IGFL4: variants seen among roughly 807,000 people sequenced by gnomAD.
IGFL4 encodes the protein insulin growth factor-like family member 4.
In IGFL4, 12 loss-of-function variants were observed where a neutral mutation model predicts 15.4. That is an observed-to-expected ratio of 0.78 (90% confidence interval 0.50 to 1.26). The LOEUF (loss-of-function observed/expected upper bound fraction) is 1.26, where lower values mean the gene tolerates loss of function less well. Among genes scored for constraint, IGFL4 ranks in the 50% most tolerant of loss-of-function variants. The probability of loss-of-function intolerance (pLI) is 0.00; values close to 1 mark genes in which losing one functional copy is unlikely to be tolerated. For synonymous variants in IGFL4, 54 were observed against 55.9 expected, an observed-to-expected ratio of 0.97 and a Z score of 0.16; for missense variants, 126 against 147.8, an observed-to-expected ratio of 0.85 and a Z score of 0.76.
Position 46,050,603 on chromosome 19 carries a change from C to T in IGFL4, c.-322-9493G>A, listed in dbSNP as rs1409368226. On this transcript the variant is annotated intron_variant, in intron 2 of 5. Coordinates refer to the IGFL4 transcript ENST00000601672. The stretch of plus-strand genomic sequence containing the variant: ...TGAAGACAAGGCTTTCAAACTAACC[C>T]AATCCAACAGAGACAAAGAAAAAAG... 3.3e-5 allele frequency among the ~76,000 whole-genome samples: 5 copies of T among 152,112 alleles called. No individual in the cohort carries two copies. The East Asian group carries it at 9.6e-4, about 29-fold the overall frequency.
At chr19:46,068,870 T>C (rs1176878810) in intron 1 of IGFL4, among the ~76,000 whole-genome samples, 1 of 152,224 alleles carries the variant, frequency 6.6e-6, no homozygotes, top group East Asian at 1.9e-4. Context: ...ACATTCACTC[T>C]GAGCACTGGA....
chr19:46,051,192 C>T (rs1446244525), intron 2 of IGFL4, among the ~76,000 whole-genome samples: 1 of 152,178 alleles, frequency 6.6e-6, no homozygotes, highest in African/African-American at 2.4e-5. Context: ...GAAACAAATC[C>T]TCAAAATACA....
At chr19:46,050,568 C>T (rs992207799) in intron 2 of IGFL4, among the ~76,000 whole-genome samples, 1 of 152,074 alleles carries the variant, frequency 6.6e-6, no homozygotes, top group Non-Finnish European at 1.5e-5. Flanking sequence ...GAAGAAAGAA[C>T]CTCAGAGCTT....
chr19:46,056,941 C>G (rs1457104136), intron 2 of IGFL4, among the ~76,000 whole-genome samples: 5 of 152,318 alleles, frequency 3.3e-5, no homozygotes, highest in Non-Finnish European at 7.4e-5. Flanking sequence ...CACTTTTGAT[C>G]ATGTGCACCC....
At chr19:46,055,669 T>C (rs1969386176) in intron 2 of IGFL4, among the ~76,000 whole-genome samples, 1 of 152,238 alleles carries the variant, frequency 6.6e-6, no homozygotes, top group South Asian at 2.1e-4. Flanking sequence ...TAGAGATACT[T>C]GGAAAGATCA....
chr19:46,043,457 A>G (rs1969266129), upstream of IGFL4, among the ~76,000 whole-genome samples: 1 of 152,226 alleles, frequency 6.6e-6, no homozygotes, highest in African/African-American at 2.4e-5. Context: ...TCTAGAATTT[A>G]TCTGGAAAGG....
intron 1 of IGFL4, among the ~76,000 whole-genome samples, chr19:46,070,728 C>G (rs752987104): frequency 4.6e-5 from 7 of 152,096 alleles, no homozygotes. Context: ...AAATAAAGCT[C>G]CTCTCAAACA....
intron 1 of IGFL4, among the ~76,000 whole-genome samples, chr19:46,069,445 A>T (rs11881207): frequency 0.069 from 10,571 of 152,278 alleles, 615 homozygotes; most frequent in African/African-American, 0.15. Flanking sequence ...AATTTTTATC[A>T]TGCTTCCTAC....
intron 1 of IGFL4, among the ~76,000 whole-genome samples, chr19:46,070,417 C>A (rs1969534804): frequency 6.6e-6 from 1 of 151,960 alleles, no homozygotes; most frequent in East Asian, 1.9e-4. Context: ...TAAATTCTAG[C>A]CCTTATTTCA....
At position 46,040,298 on chromosome 19, in the gene IGFL4, G is replaced by A. The variant is rs1568709047; in HGVS notation, c.189C>T (p.Gly63=). The A allele has an allele frequency of 6.2e-7, 1 of 1,614,166 alleles. No individual in the cohort carries two copies. ...ILDLNQTRLC[G]SSCTFWPCFQ... ...AGCAGGGCCAGAAGGTGCAGCTGGA[G>A]CCGCAGAGCCGGGTCTGGTTCAAGT... Residue 63 remains glycine, a synonymous_variant, in exon 3 of 4, where the codon GGC becomes GGT. Coordinates refer to ENST00000377697, the MANE Select transcript of IGFL4 (RefSeq NM_001002923.3). This position sits in a 1 kb window ranked among gnomAD's most constrained non-coding sequence, Gnocchi z 4.1.
chr19:46,076,545 T>C (rs116901046), intron 1 of IGFL4, among the ~76,000 whole-genome samples: 2,086 of 152,186 alleles, frequency 0.014, 31 homozygotes, highest in Middle Eastern at 0.027. Context: ...TTTTTTACAC[T>C]TCTTTCCTTT....
At position 46,040,345 on chromosome 19, in the gene IGFL4, A is replaced by G; in HGVS notation, c.142T>C (p.Cys48Arg). 2 of 1,614,214 alleles carry G rather than the reference A, an allele frequency of 1.2e-6. No homozygotes were observed. Among genetic ancestry groups the G allele is most frequent in the Non-Finnish European group, 1.7e-6 (2 of 1,180,016 alleles). The part of the protein sequence containing the change: ...EWTYNPLEQC[C>R]DDGVILDLNQ... The stretch of plus-strand genomic sequence containing the variant: ...AAGTCTAGGATGACACCGTCATCAC[A>G]GCACTGCTCCAAGGGGTTGTAGGTC... The change falls in exon 3 of 4, where the codon TGT (cysteine) becomes CGT (arginine). Residue 48 changes from cysteine to arginine, a missense_variant. Coordinates refer to ENST00000377697, the MANE Select transcript of IGFL4 (RefSeq NM_001002923.3). The surrounding 1 kb of genome is among the most constrained non-coding windows in gnomAD (Gnocchi z 4.1).
chr19:46,076,346 G>T (rs1445012495), intron 1 of IGFL4, among the ~76,000 whole-genome samples: 1 of 152,184 alleles, frequency 6.6e-6, no homozygotes, highest in African/African-American at 2.4e-5. Context: ...TCCAGCTTTG[G>T]CCACTGGGAG....
upstream of IGFL4, among the ~76,000 whole-genome samples, chr19:46,043,803 T>A (rs1359289399): frequency 6.6e-6 from 1 of 152,008 alleles, no homozygotes; most frequent in African/African-American, 2.4e-5. Flanking sequence ...ATGATCTAGA[T>A]ATAAAAAGTT....
At position 46,039,451 on chromosome 19, in the gene IGFL4, G is replaced by A. The variant is rs28670451; in HGVS notation, c.*441C>T. 0.038 allele frequency among the ~76,000 whole-genome samples: 4,752 copies of A among 125,718 alleles called. 249 individuals are homozygous for A. The highest frequency in any genetic ancestry group is 0.14 in the African/African-American group (4,430 of 31,570). The allele number at this position is 125,718 out of a possible 152,430, so 82.5% of individuals were successfully genotyped here. On this transcript the variant is annotated 3_prime_UTR_variant, in exon 4 of 4. Coordinates refer to ENST00000377697, the MANE Select transcript of IGFL4 (RefSeq NM_001002923.3). ...AAGAAAGTCATTGGTAGCTTGATGGGGATGGCATTGAATCTGTAAATTACC... is the reference window on the plus strand; with the variant it reads ...AAGAAAGTCATTGGTAGCTTGATGGAGATGGCATTGAATCTGTAAATTACC...
In IGFL4 at chr19:46,067,224, C is replaced by T. The variant is rs1188597864; in HGVS notation, c.-431-6931G>A. Among the ~76,000 whole-genome samples, 3 of 152,186 alleles carry T rather than the reference C, an allele frequency of 2.0e-5. No homozygotes were observed. In the East Asian group the frequency reaches 5.8e-4, roughly 29 times the overall value. ...ATCTCAATTCCAACCCCAGCCCCAG[C>T]ATATCCACCTTTGCCTATACCTAAC... On this transcript the variant is annotated intron_variant, in intron 1 of 5. Transcript: ENST00000601672.
At chr19:46,053,492 A>G (rs1359803349) in intron 2 of IGFL4, among the ~76,000 whole-genome samples, 1 of 152,204 alleles carries the variant, frequency 6.6e-6, no homozygotes, top group Non-Finnish European at 1.5e-5. Flanking sequence ...CTGGGATTAT[A>G]TACCATATTT....
In IGFL4 at chr19:46,040,388, C is replaced by T. The variant is rs199970607; in HGVS notation, c.99G>A (p.Ala33=). The T allele has an allele frequency of 2.9e-4, 469 of 1,614,178 alleles. No homozygotes were observed. Among genetic ancestry groups the T allele is most frequent in the South Asian group, 1.3e-3 (116 of 91,082 alleles). The change falls in exon 3 of 4, where the codon GCG becomes GCA. Residue 33 remains alanine (A), a synonymous_variant. Coordinates refer to ENST00000377697, the MANE Select transcript of IGFL4 (RefSeq NM_001002923.3). The surrounding 1 kb of genome is among the most constrained non-coding windows in gnomAD (Gnocchi z 4.1). ...TGTAGGTCCACTCCCCGCACCTGGG[C>T]GCTGGCTGGCATAGCCACAGTCTAA... ...TDLRLWLCQP[A]PRCGEWTYNP... is the part of the protein sequence containing the mutation.
At chr19:46,048,123 G>A (rs1969313370) in intron 2 of IGFL4, among the ~76,000 whole-genome samples, 1 of 152,086 alleles carries the variant, frequency 6.6e-6, no homozygotes. Flanking sequence ...CATACGCAAA[G>A]CAACAAATGT....
Sources: gnomAD v4.1 joint callset for allele counts (sites outside exome capture counted in the v4.1 genomes callset) on GRCh38, gnomAD v4.1.1 for gene constraint, Gnocchi (gnomAD v3.1) non-coding constraint, MANE v1.5 for transcripts, NCBI Gene and HGNC (gene_info 2026-07-23, HGNC 2026-07-21) for gene names.